PDCD10: variants seen among roughly 807,000 people sequenced by gnomAD.
The protein encoded by PDCD10 is programmed cell death protein 10.
A neutral mutation model predicts 29.2 loss-of-function variants in PDCD10; 4 were observed. The observed-to-expected ratio is 0.14, with a 90% CI of 0.07 to 0.31. The LOEUF (loss-of-function observed/expected upper bound fraction) is 0.31, where lower values mean the gene tolerates loss of function less well. Among genes scored for constraint, PDCD10 ranks in the 10% least tolerant of loss-of-function variants. The probability of loss-of-function intolerance (pLI) is 1.00; values close to 1 mark genes in which losing one functional copy is unlikely to be tolerated. For missense variants in PDCD10, 183 were observed against 257.9 expected, an observed-to-expected ratio of 0.71 and a Z score of 1.99; for synonymous variants, 70 against 82.2, an observed-to-expected ratio of 0.85 and a Z score of 0.80.
chr3:167,707,617 G>A (rs1722106820), intron 3 of PDCD10, among the ~76,000 whole-genome samples: 1 of 152,072 alleles, frequency 6.6e-6, no homozygotes, highest in Admixed American at 6.5e-5. Context: ...GGCAGAGCTT[G>A]CAGTGAGCCG....
intron 2 of PDCD10, among the ~76,000 whole-genome samples, chr3:167,724,905 C>G (rs553330128): frequency 6.6e-6 from 1 of 152,102 alleles, no homozygotes; most frequent in Non-Finnish European, 1.5e-5. Context: ...AGTTGGTTAA[C>G]CCAGGATTTC....
intron 8 of PDCD10, 109 bp from the exon 9 acceptor site, chr3:167,684,498 A>G (rs1719371289): frequency 4.5e-6 from 3 of 668,358 alleles, no homozygotes; most frequent in South Asian, 3.2e-5. Flanking sequence ...AAAAAAAAAG[A>G]CAAGTTAGTA....
In PDCD10 at chr3:167,684,047, C is replaced by A. The variant is rs1185938451; in HGVS notation, c.*261G>T. 1 of 353,694 alleles carries A rather than the reference C, an allele frequency of 2.8e-6. No individual in the cohort carries two copies. The highest frequency in any genetic ancestry group is 5.3e-6 in the Non-Finnish European group (1 of 187,416). 21.9% of individuals were successfully genotyped at this position (353,694 alleles called of 1,614,324 possible). ...TCTTTTAAGGAATGTTATATAATGA[C>A]ACATTAAGGCGTAAATTCTTTTGGC... On this transcript the variant is annotated 3_prime_UTR_variant, in exon 9 of 9. Transcript: ENST00000392750.
chr3:167,709,003 TAAG>T (rs1304397941), intron 3 of PDCD10, among the ~76,000 whole-genome samples: 1 of 152,216 alleles, frequency 6.6e-6, no homozygotes, highest in Non-Finnish European at 1.5e-5. Context: ...AATAGCTTAC[TAAG>T]AAGAAGAGCA....
chr3:167,697,816 C>T lies in PDCD10; in HGVS notation c.151-690G>A, dbSNP rs1720967615. ...TCCCCAAGACACTAAAATTTTCTAG[C>T]CATTTCAAGACTGGGCATAGAGTTC... is the stretch of plus-strand genomic sequence containing the variant. On this transcript the variant is annotated intron_variant, in intron 4 of 8. Coordinates refer to ENST00000392750, the MANE Select transcript of PDCD10 (RefSeq NM_007217.4). 1.0e-5 allele frequency: 4 copies of T among 398,634 alleles called. No individual in the cohort carries two copies. In the East Asian group the frequency reaches 2.9e-4, roughly 29 times the overall value. 24.7% of individuals were successfully genotyped at this position (398,634 alleles called of 1,614,324 possible).
At chr3:167,727,318 T>C (rs1431542237) in intron 2 of PDCD10, among the ~76,000 whole-genome samples, 2 of 152,212 alleles carry the variant, frequency 1.3e-5, no homozygotes, top group Admixed American at 6.5e-5. Flanking sequence ...CAAAGCAACT[T>C]GTTCAGGGGG....
chr3:167,697,883 T>C, intron 4 of PDCD10: 1 of 455,588 alleles, frequency 2.2e-6, no homozygotes, highest in East Asian at 7.0e-5. Context: ...ATTTCAGTTT[T>C]TCCCAGTAAA....
At chr3:167,722,959 A>C (rs948757761) in intron 2 of PDCD10, among the ~76,000 whole-genome samples, 1 of 152,258 alleles carries the variant, frequency 6.6e-6, no homozygotes, top group Non-Finnish European at 1.5e-5. Flanking sequence ...CAAAAAGAAC[A>C]GTATTTTGGC....
chr3:167,719,962 C>A, intron 3 of PDCD10, 100 bp downstream of exon 3: 2 of 877,924 alleles, frequency 2.3e-6, no homozygotes, highest in Non-Finnish European at 3.8e-6. Context: ...AGAGTTCATT[C>A]ATGCTAGTAT....
chr3:167,693,849 TGGAGGCTGA>T (rs1720515148), intron 6 of PDCD10, among the ~76,000 whole-genome samples: 1 of 151,896 alleles, frequency 6.6e-6, no homozygotes, highest in African/African-American at 2.4e-5. Flanking sequence ...CTAGCTACTC[TGGAGGCTGA>T]GGTGGAAGGA....
chr3:167,712,900 A>G (rs1722661745), intron 3 of PDCD10, among the ~76,000 whole-genome samples: 1 of 152,090 alleles, frequency 6.6e-6, no homozygotes, highest in South Asian at 2.1e-4. Flanking sequence ...CAGTAAGAGG[A>G]TATGATAATT....
intron 2 of PDCD10, among the ~76,000 whole-genome samples, chr3:167,726,665 T>A (rs997718519): frequency 6.6e-6 from 1 of 152,226 alleles, no homozygotes; most frequent in Admixed American, 6.5e-5. Context: ...GGCTAACACA[T>A]AATAACCATT....
At chr3:167,686,128 C>G (rs965164166) in intron 8 of PDCD10, among the ~76,000 whole-genome samples, 2 of 152,136 alleles carry the variant, frequency 1.3e-5, no homozygotes, top group Non-Finnish European at 2.9e-5. Flanking sequence ...ACTTTAAGCA[C>G]TGTTAAAAAA....
intron 3 of PDCD10, among the ~76,000 whole-genome samples, chr3:167,718,024 T>C (rs1447590639): frequency 6.6e-6 from 1 of 152,038 alleles, no homozygotes; most frequent in Non-Finnish European, 1.5e-5. Flanking sequence ...CCAAACAACT[T>C]TGCCCAATAA....
At chr3:167,697,898 G>A in intron 4 of PDCD10, 2 of 456,180 alleles carry the variant, frequency 4.4e-6, no homozygotes, top group Middle Eastern at 3.3e-4. Context: ...AGTAAATTCT[G>A]TAATCACACT....
chr3:167,696,405 A>T (rs1720811454), intron 5 of PDCD10, among the ~76,000 whole-genome samples: 1 of 152,198 alleles, frequency 6.6e-6, no homozygotes, highest in South Asian at 2.1e-4. Context: ...AATAATGATA[A>T]GGGCTTTCTT....
At chr3:167,686,378 G>A (rs1470077855) in intron 8 of PDCD10, among the ~76,000 whole-genome samples, 1 of 152,082 alleles carries the variant, frequency 6.6e-6, no homozygotes, top group Non-Finnish European at 1.5e-5. Flanking sequence ...CTCTTTCCAG[G>A]AGAGTGGGTC....
At chr3:167,711,817 A>G (rs1351198945) in intron 3 of PDCD10, among the ~76,000 whole-genome samples, 3 of 152,170 alleles carry the variant, frequency 2.0e-5, no homozygotes, top group South Asian at 2.1e-4. Flanking sequence ...TGCCTAGCAG[A>G]AGACTTTTCA....
At chr3:167,715,771 G>T (rs942981413) in intron 3 of PDCD10, among the ~76,000 whole-genome samples, 4 of 151,972 alleles carry the variant, frequency 2.6e-5, no homozygotes, top group African/African-American at 9.7e-5. Flanking sequence ...ACAAATGCTG[G>T]TAAGGATATG....
Sources: allele counts gnomAD v4.1 joint callset (sites outside exome capture counted in the v4.1 genomes callset), GRCh38; gene constraint gnomAD v4.1.1; transcripts MANE v1.5; gene names NCBI Gene and HGNC (gene_info 2026-07-23, HGNC 2026-07-21).